Variants in DPYS observed in about 807,000 individuals in gnomAD.
DPYS encodes dihydropyrimidinase.
A neutral mutation model predicts 50.3 loss-of-function variants in DPYS; 39 were observed. That is an observed-to-expected ratio of 0.78 (90% CI 0.60 to 1.01). The LOEUF (loss-of-function observed/expected upper bound fraction) is 1.01, where lower values mean the gene tolerates loss of function less well. Among genes scored for constraint, DPYS ranks in the 50% least tolerant of loss-of-function variants. The probability of loss-of-function intolerance (pLI) is 0.00; values close to 1 mark genes in which losing one functional copy is unlikely to be tolerated. For synonymous variants in DPYS, 245 were observed against 250.7 expected (o/e 0.98, Z 0.22); for missense variants, 659 against 680.9 (o/e 0.97, Z 0.36).
chr8:104,404,333 T>C (rs1478580076), intron 7 of DPYS, among the ~76,000 whole-genome samples: 3 of 152,156 alleles, frequency 2.0e-5, no homozygotes, highest in Non-Finnish European at 2.9e-5. Flanking sequence ...TCAGTAACCA[T>C]GCAATGCTCA....
chr8:104,444,700 C>CT (rs927602624), intron 3 of DPYS, among the ~76,000 whole-genome samples: 8 of 151,758 alleles, frequency 5.3e-5, no homozygotes, highest in Non-Finnish European at 7.4e-5. Flanking sequence ...TTTACCATCA[C>CT]TTTTTTTTAT....
chr8:104,448,000 T>C (rs2853178), intron 2 of DPYS, among the ~76,000 whole-genome samples: 94,109 of 152,032 alleles, frequency 0.62, 30,353 homozygotes, highest in Non-Finnish European at 0.72. Context: ...ACTCATGGTT[T>C]AGCTGTAGAG....
At chr8:104,407,348 C>G (rs971675188) in intron 7 of DPYS, among the ~76,000 whole-genome samples, 1 of 152,124 alleles carries the variant, frequency 6.6e-6, no homozygotes, top group African/African-American at 2.4e-5. Flanking sequence ...AAATTTTAAC[C>G]CCTCTTCTTC....
chr8:104,448,772 C>T (rs1376513038), intron 2 of DPYS, among the ~76,000 whole-genome samples: 2 of 152,130 alleles, frequency 1.3e-5, no homozygotes. Flanking sequence ...CAAAATAAAG[C>T]AGCGTAATTC....
chr8:104,412,468 C>T (rs1179394908), intron 7 of DPYS, among the ~76,000 whole-genome samples: 6 of 152,134 alleles, frequency 3.9e-5, no homozygotes, highest in Admixed American at 3.9e-4. Flanking sequence ...TTATATATTT[C>T]AAGCATTGTG....
chr8:104,415,137 A>C (rs1289087739), intron 7 of DPYS, among the ~76,000 whole-genome samples: 1 of 152,234 alleles, frequency 6.6e-6, no homozygotes, highest in East Asian at 1.9e-4. Context: ...GCTTCTATAT[A>C]TACCTGGAGC....
intron 1 of DPYS, among the ~76,000 whole-genome samples, chr8:104,461,874 A>T (rs1814185426): frequency 6.6e-6 from 1 of 152,166 alleles, no homozygotes; most frequent in Non-Finnish European, 1.5e-5. Flanking sequence ...GACAGGGGGA[A>T]ATGTTTAATA....
At chr8:104,427,150 A>C (rs1812753740) in intron 6 of DPYS, among the ~76,000 whole-genome samples, 1 of 150,768 alleles carries the variant, frequency 6.6e-6, no homozygotes, top group African/African-American at 2.4e-5. Flanking sequence ...GCAGTGAGCC[A>C]AGATTGCACC....
chr8:104,383,637 C>T (rs556238523), intron 8 of DPYS, among the ~76,000 whole-genome samples: 1 of 150,288 alleles, frequency 6.7e-6, no homozygotes, highest in African/African-American at 2.5e-5. Context: ...AGTTTCACTC[C>T]ATCACCCAAG....
chr8:104,409,227 A>T (rs1812095028), intron 7 of DPYS, among the ~76,000 whole-genome samples: 1 of 151,794 alleles, frequency 6.6e-6, no homozygotes, highest in African/African-American at 2.4e-5. Context: ...GCTCATGCCT[A>T]TAATCCCAGC....
intron 7 of DPYS, chr8:104,418,857 A>G: frequency 5.0e-6 from 1 of 200,450 alleles, no homozygotes; most frequent in Non-Finnish European, 8.9e-6. Flanking sequence ...TTGACTTTAC[A>G]TCTCCTCTCC....
At chr8:104,463,646 A>C (rs1314601279) in intron 1 of DPYS, among the ~76,000 whole-genome samples, 1 of 152,194 alleles carries the variant, frequency 6.6e-6, no homozygotes, top group Non-Finnish European at 1.5e-5. Flanking sequence ...GGATTTTTGG[A>C]AGATAATGCA....
intron 7 of DPYS, among the ~76,000 whole-genome samples, chr8:104,406,417 G>A (rs985567751): frequency 1.3e-5 from 2 of 152,164 alleles, no homozygotes; most frequent in Admixed American, 6.5e-5. Flanking sequence ...GACTCATCTC[G>A]TAGTGTGAGA....
intron 1 of DPYS, among the ~76,000 whole-genome samples, chr8:104,457,333 G>A (rs1813960849): frequency 1.3e-5 from 2 of 152,156 alleles, no homozygotes; most frequent in South Asian, 2.1e-4. Context: ...CCAGTCCCAG[G>A]CAGGATGGAG....
At chr8:104,421,256 C>A (rs897805577) in intron 7 of DPYS, 4 of 152,128 alleles carry the variant, frequency 2.6e-5, no homozygotes. Flanking sequence ...ATTTAATTTT[C>A]TATTATCATT....
chr8:104,465,430 C>CACA (rs1293891704), intron 1 of DPYS, among the ~76,000 whole-genome samples: 2 of 152,198 alleles, frequency 1.3e-5, no homozygotes, highest in Non-Finnish European at 2.9e-5. Context: ...TATATCAATA[C>CACA]ATCTTCACTT....
At chr8:104,394,743 A>G (rs1811520431) in intron 7 of DPYS, among the ~76,000 whole-genome samples, 1 of 151,018 alleles carries the variant, frequency 6.6e-6, no homozygotes, top group Admixed American at 6.6e-5. Flanking sequence ...ATAGCTGTAA[A>G]AAAGCATGGT....
At chr8:104,403,362 A>T (rs1811887896) in intron 7 of DPYS, among the ~76,000 whole-genome samples, 1 of 152,134 alleles carries the variant, frequency 6.6e-6, no homozygotes, top group Admixed American at 6.5e-5. Flanking sequence ...ATGGCCCAAG[A>T]TTCCATTCCT....
chr8:104,444,686 A>G (rs1285349322), intron 3 of DPYS, among the ~76,000 whole-genome samples: 1 of 152,200 alleles, frequency 6.6e-6, no homozygotes, highest in Non-Finnish European at 1.5e-5. Flanking sequence ...TTCCATATGC[A>G]TATTTTACCA....
Sources: allele counts gnomAD v4.1 joint callset (sites outside exome capture counted in the v4.1 genomes callset), GRCh38; gene constraint gnomAD v4.1.1; transcripts MANE v1.5; gene names NCBI Gene and HGNC (gene_info 2026-07-23, HGNC 2026-07-21).